Variants in ZDHHC2 observed in about 807,000 individuals in gnomAD.
ZDHHC2 encodes the protein palmitoyltransferase ZDHHC2.
ZDHHC2 carries 51 observed loss-of-function variants against 55.6 expected under a neutral mutation model. The ratio of observed to expected loss-of-function variants is 0.92; its 90% CI spans 0.73 to 1.16. The LOEUF is 1.16. ZDHHC2 is among the 50% of genes most tolerant of loss of function. The pLI is 0.00. For synonymous variants in ZDHHC2, 199 were observed against 152.9 expected (o/e 1.30, Z -2.22); for missense variants, 491 against 442.4 (o/e 1.11, Z -0.99).
At chr8:17,158,984 C>G (rs1035917869) in intron 1 of ZDHHC2, among the ~76,000 whole-genome samples, 1 of 152,174 alleles carries the variant, frequency 6.6e-6, no homozygotes, top group African/African-American at 2.4e-5. Flanking sequence ...TATGAAAGAT[C>G]TAGATTCTAG....
At chr8:17,174,889 T>G (rs1428070032) in intron 1 of ZDHHC2, among the ~76,000 whole-genome samples, 2 of 151,720 alleles carry the variant, frequency 1.3e-5, no homozygotes, top group Non-Finnish European at 2.9e-5. Flanking sequence ...TGTGGGGTTT[T>G]TTTTGTTTGT....
intron 3 of ZDHHC2, among the ~76,000 whole-genome samples, chr8:17,192,232 C>G (rs968036715): frequency 2.0e-5 from 3 of 152,168 alleles, no homozygotes; most frequent in African/African-American, 7.2e-5. Flanking sequence ...ATGGTCCTCC[C>G]GCTTTGGCCT....
At position 17,198,291 on chromosome 8, in the gene ZDHHC2, G is replaced by A. The variant is rs1402874487; in HGVS notation, c.444-90G>A. Reference sequence around the variant, plus strand: ...TTGCAATATTTTACTTGCCGCAGCTGTTTGAACTAACCATAATTTATATTT... The same window carrying A: ...TTGCAATATTTTACTTGCCGCAGCTATTTGAACTAACCATAATTTATATTT... On this transcript the variant is annotated intron_variant, in intron 5 of 12. Transcript: ENST00000262096. 5.5e-6 allele frequency: 7 copies of A among 1,263,950 alleles called. No homozygotes were observed. In the East Asian group the frequency reaches 2.0e-4, roughly 36 times the overall value. 78.3% of individuals were successfully genotyped at this position (1,263,950 alleles called of 1,614,324 possible). A position where few individuals can be genotyped will look rare whatever the true frequency, so the allele number is the denominator to read the frequency against.
intron 8 of ZDHHC2, among the ~76,000 whole-genome samples, chr8:17,208,721 G>C (rs1333643929): frequency 6.6e-6 from 1 of 152,098 alleles, no homozygotes; most frequent in Non-Finnish European, 1.5e-5. Flanking sequence ...TACTATTAGG[G>C]TGAAAATACT....
intron 8 of ZDHHC2, among the ~76,000 whole-genome samples, chr8:17,208,331 G>C (rs1193102360): frequency 6.7e-6 from 1 of 149,030 alleles, no homozygotes; most frequent in Non-Finnish European, 1.5e-5. Context: ...TCTATATATA[G>C]ATATATAGAT....
At chr8:17,185,593 C>T (rs961402649) in intron 2 of ZDHHC2, among the ~76,000 whole-genome samples, 33 of 152,002 alleles carry the variant, frequency 2.2e-4, no homozygotes, top group Admixed American at 4.6e-4. Context: ...TTGCTTGAGC[C>T]CCAGGGGGCG....
At chr8:17,195,423 C>G (rs1402811707) in intron 3 of ZDHHC2, 81 bp from the exon 4 acceptor site, 2 of 1,443,836 alleles carry the variant, frequency 1.4e-6, no homozygotes, top group African/African-American at 1.4e-5. Context: ...TTATAAATAC[C>G]CTTTTCCGGG....
At chr8:17,163,846 T>C (rs907917998) in intron 1 of ZDHHC2, among the ~76,000 whole-genome samples, 3 of 152,236 alleles carry the variant, frequency 2.0e-5, no homozygotes, top group Non-Finnish European at 4.4e-5. Context: ...TGTTATTACA[T>C]ATTACCATTT....
At chr8:17,191,491 A>G (rs1006484179) in intron 3 of ZDHHC2, among the ~76,000 whole-genome samples, 1 of 152,170 alleles carries the variant, frequency 6.6e-6, no homozygotes, top group South Asian at 2.1e-4. Flanking sequence ...TCTGGTTGCC[A>G]TCCTTTTATT....
At chr8:17,206,637 A>G (rs1204133600) in intron 7 of ZDHHC2, among the ~76,000 whole-genome samples, 1 of 152,164 alleles carries the variant, frequency 6.6e-6, no homozygotes, top group Admixed American at 6.6e-5. Context: ...TAATATCCTG[A>G]ATTTTTATTC....
At chr8:17,194,022 G>T (rs958794604) in intron 3 of ZDHHC2, among the ~76,000 whole-genome samples, 1 of 152,086 alleles carries the variant, frequency 6.6e-6, no homozygotes, top group African/African-American at 2.4e-5. Flanking sequence ...GCAGTGTTTG[G>T]TTTTCTGTTC....
intron 3 of ZDHHC2, among the ~76,000 whole-genome samples, chr8:17,192,814 T>A (rs1806103498): frequency 6.6e-6 from 1 of 152,230 alleles, no homozygotes; most frequent in Non-Finnish European, 1.5e-5. Context: ...GAGATATGTG[T>A]CTCATTTCAT....
chr8:17,197,692 G>A, intron 5 of ZDHHC2, 41 bp downstream of exon 5: 1 of 1,550,648 alleles, frequency 6.4e-7, no homozygotes, highest in Non-Finnish European at 8.8e-7. Context: ...ACATGCTGGT[G>A]GTCTTTTTCT....
At chr8:17,192,615 C>G (rs997725139) in intron 3 of ZDHHC2, among the ~76,000 whole-genome samples, 3 of 152,126 alleles carry the variant, frequency 2.0e-5, no homozygotes, top group Non-Finnish European at 2.9e-5. Flanking sequence ...TGTGCAAAAG[C>G]CTTTTAACTT....
chr8:17,206,863 T>G lies in ZDHHC2; in HGVS notation c.597+1088T>G, dbSNP rs552105690. The stretch of plus-strand genomic sequence containing the variant: ...ATTGCTAGATCACTTATGTGAGATT[T>G]GAACCAAATTTAATACCAAAGAGTT... On this transcript the variant is annotated intron_variant, in intron 7 of 12. Coordinates refer to ENST00000262096, the MANE Select transcript of ZDHHC2 (RefSeq NM_016353.5). Among the ~76,000 whole-genome samples, 4 of 152,334 alleles carry G rather than the reference T, an allele frequency of 2.6e-5. No individual in the cohort carries two copies. In the South Asian group the frequency reaches 8.3e-4, roughly 32 times the overall value.
intron 6 of ZDHHC2, among the ~76,000 whole-genome samples, chr8:17,199,509 TTCTTC>T (rs1806542908): frequency 1.7e-5 from 2 of 121,116 alleles, no homozygotes; most frequent in Admixed American, 1.6e-4. Flanking sequence ...CTTCTTCTTC[TTCTTC>T]GTCTTCGTCT....
intron 1 of ZDHHC2, among the ~76,000 whole-genome samples, chr8:17,183,227 CT>C (rs1805524543): frequency 6.6e-6 from 1 of 152,178 alleles, no homozygotes; most frequent in South Asian, 2.1e-4. Flanking sequence ...ATTGCTTTTC[CT>C]TTCCTTAGAT....
In ZDHHC2 at chr8:17,210,414, C is replaced by T. The variant is rs767745183; in HGVS notation, c.884C>T (p.Thr295Ile). The T allele has an allele frequency of 1.2e-6, 2 of 1,613,398 alleles. No homozygotes were observed. The highest frequency in any genetic ancestry group is 2.2e-5 in the South Asian group (2 of 90,998). The change falls in exon 10 of 13, where the codon ACT (threonine) becomes ATT (isoleucine). Residue 295 changes from threonine to isoleucine, a missense_variant. Physicochemically the swap from Thr to Ile is moderately conservative, Grantham distance 89. Transcript: ENST00000262096. ...CTAGGTGATGGCTGCTCCTTTCCAA[C>T]TTGCCTTGTTAACCAGGATCCTGAA... is the stretch of plus-strand genomic sequence containing the variant. ...SSLGDGCSFP[T>I]CLVNQDPEQA... is the part of the protein sequence containing the mutation.
chr8:17,183,266 G>C (rs1246837872), intron 1 of ZDHHC2, among the ~76,000 whole-genome samples: 1 of 152,184 alleles, frequency 6.6e-6, no homozygotes. Flanking sequence ...TGGAAATTTT[G>C]ATCCAGAAAA....
Sources: gnomAD v4.1 joint callset for allele counts (sites outside exome capture counted in the v4.1 genomes callset) on GRCh38, gnomAD v4.1.1 for gene constraint, MANE v1.5 for transcripts, NCBI Gene and HGNC (gene_info 2026-07-23, HGNC 2026-07-21) for gene names.